Variants in PTPN22 observed in about 807,000 individuals in gnomAD.
PTPN22 encodes the protein protein tyrosine phosphatase non-receptor type 22, also known as tyrosine-protein phosphatase non-receptor type 22.
Under a neutral mutation model 103.3 loss-of-function variants are expected in PTPN22, and 85 were observed. The observed-to-expected ratio is 0.82, with a 90% CI of 0.69 to 0.99. The LOEUF (loss-of-function observed/expected upper bound fraction) is 0.99, where lower values mean the gene tolerates loss of function less well. Among genes scored for constraint, PTPN22 ranks in the 50% least tolerant of loss-of-function variants. PTPN22 has a pLI of 0.00. For missense variants in PTPN22, 865 were observed against 936.9 expected (o/e 0.92, Z 1.00); for synonymous variants, 323 against 310.2 (o/e 1.04, Z -0.43).
chr1:113,859,180 G>C lies in PTPN22; in HGVS notation c.197-102C>G. The C allele has an allele frequency of 3.2e-6, 5 of 1,561,154 alleles. No individual in the cohort carries two copies. The South Asian group carries it at 3.6e-5, about 11-fold the overall frequency. On this transcript the variant is annotated intron_variant, in intron 2 of 20. Transcript: ENST00000359785. ...ATAGTGTATGCTCATGAGTGAACAA[G>C]TGAGTGAATGAATGAATGAATGAAT...
chr1:113,857,153 G>A (rs1433637769), intron 5 of PTPN22, among the ~76,000 whole-genome samples: 1 of 151,866 alleles, frequency 6.6e-6, no homozygotes, highest in Admixed American at 6.6e-5. Context: ...CAGATATTTG[G>A]CATTTTTTAC....
intron 1 of PTPN22, among the ~76,000 whole-genome samples, chr1:113,865,850 CTTA>C (rs1338620169): frequency 6.6e-6 from 1 of 152,180 alleles, no homozygotes; most frequent in Non-Finnish European, 1.5e-5. Flanking sequence ...AGTTTATATA[CTTA>C]TTATCTTCAC....
At chr1:113,820,967 A>G (rs1661544587) in intron 19 of PTPN22, among the ~76,000 whole-genome samples, 1 of 150,822 alleles carries the variant, frequency 6.6e-6, no homozygotes. Flanking sequence ...ATATTACTAT[A>G]GTAAGTATAA....
chr1:113,822,010 A>G (rs1402883049), intron 19 of PTPN22, among the ~76,000 whole-genome samples: 1 of 152,202 alleles, frequency 6.6e-6, no homozygotes, highest in Non-Finnish European at 1.5e-5. Context: ...GAAAACCAAT[A>G]AAGAGTTATT....
intron 18 of PTPN22, 74 bp downstream of exon 18, chr1:113,829,518 T>G: frequency 1.4e-6 from 1 of 728,628 alleles, no homozygotes. Context: ...TTTTCCATCT[T>G]AATGCTGGGG....
chr1:113,836,631 A>C (rs890538713), intron 13 of PTPN22, among the ~76,000 whole-genome samples: 1 of 152,180 alleles, frequency 6.6e-6, no homozygotes, highest in Non-Finnish European at 1.5e-5. Context: ...TCTATATGTT[A>C]AGAGTAAATT....
At chr1:113,856,839 A>C in intron 5 of PTPN22, 1 of 543,682 alleles carries the variant, frequency 1.8e-6, no homozygotes, top group Non-Finnish European at 3.1e-6. Context: ...GAAAAAGTAG[A>C]AATAGAAATC....
chr1:113,852,662 A>G (rs994468188), intron 9 of PTPN22, among the ~76,000 whole-genome samples: 3 of 152,172 alleles, frequency 2.0e-5, no homozygotes, highest in African/African-American at 7.2e-5. Flanking sequence ...ATTCAATTCA[A>G]TGGGGTGGGG....
chr1:113,822,964 A>C (rs1661741847), intron 19 of PTPN22, among the ~76,000 whole-genome samples: 1 of 152,212 alleles, frequency 6.6e-6, no homozygotes, highest in African/African-American at 2.4e-5. Flanking sequence ...GTCTCAAAAA[A>C]AGCGGGGGCT....
Position 113,837,827 on chromosome 1 carries a change from C to T in PTPN22, c.1573G>A (p.Val525Ile), listed in dbSNP as rs1159274921. Residue 525 changes from valine (V) to isoleucine (I), a missense_variant, in exon 13 of 21, where the codon GTA becomes ATA. This residue lies in a region of PTPN22 where 401 missense variants were observed against 388.6 expected (regional missense o/e 1.03). Coordinates refer to ENST00000359785, the Ensembl canonical transcript of PTPN22. The stretch of plus-strand genomic sequence containing the variant: ...TCCACTAAAGGTATGTAAGAATATA[C>T]ACCAAGAGCACTAGAGTCATGGTGC... The T allele has an allele frequency of 1.2e-5, 19 of 1,613,902 alleles. No homozygotes were observed. Among genetic ancestry groups the T allele is most frequent in the Non-Finnish European group, 1.5e-5 (18 of 1,179,792 alleles).
intron 13 of PTPN22, among the ~76,000 whole-genome samples, chr1:113,836,671 T>C (rs1381259647): frequency 6.6e-6 from 1 of 152,116 alleles, no homozygotes; most frequent in African/African-American, 2.4e-5. Context: ...CTTGCACCTG[T>C]AATCCCAGCA....
chr1:113,838,129 C>A, exon 13 of PTPN22: 1 of 1,614,070 alleles, frequency 6.2e-7, no homozygotes, highest in Non-Finnish European at 8.5e-7. Context: ...ATTAGAACAT[C>A]CCTCAAACAA....
At chr1:113,857,635 A>G in intron 5 of PTPN22, 103 bp downstream of exon 5, 1 of 1,049,326 alleles carries the variant, frequency 9.5e-7, no homozygotes, top group East Asian at 2.6e-5. Flanking sequence ...AAGATGACAT[A>G]AGTTTTATCT....
intron 18 of PTPN22, among the ~76,000 whole-genome samples, chr1:113,825,449 G>A (rs1661963708): frequency 1.3e-5 from 2 of 152,116 alleles, no homozygotes; most frequent in South Asian, 4.1e-4. Flanking sequence ...TGTAATCCCG[G>A]CACTTTGAGA....
At chr1:113,854,370 A>C in intron 9 of PTPN22, 101 bp downstream of exon 9, 1 of 1,129,132 alleles carries the variant, frequency 8.9e-7, no homozygotes, top group Non-Finnish European at 1.3e-6. Context: ...TTTTCTAGAA[A>C]AGATGAATCA....
At chr1:113,843,890 T>C (rs1419140377) in intron 11 of PTPN22, among the ~76,000 whole-genome samples, 5 of 152,294 alleles carry the variant, frequency 3.3e-5, no homozygotes, top group Non-Finnish European at 7.4e-5. Flanking sequence ...CTACTCAAAT[T>C]ATCTATGTCA....
At chr1:113,830,826 CTATTA>C (rs1474320191) in intron 16 of PTPN22, among the ~76,000 whole-genome samples, 5 of 152,032 alleles carry the variant, frequency 3.3e-5, no homozygotes, top group African/African-American at 9.7e-5. Context: ...CTGAGTATTA[CTATTA>C]TATTAATTCC....
At chr1:113,856,819 C>T in intron 5 of PTPN22, 200 bp from the exon 6 acceptor site, 1 of 590,358 alleles carries the variant, frequency 1.7e-6, no homozygotes, top group South Asian at 2.6e-5. Flanking sequence ...TACAGACTTC[C>T]TGGGAGTCTG....
At chr1:113,837,685 G>A (rs1245541069) in exon 13 of PTPN22, 4 of 1,602,844 alleles carry the variant, frequency 2.5e-6, no homozygotes. Flanking sequence ...GAAGAGGGAT[G>A]TAGAGGATGT....
Sources: allele counts gnomAD v4.1 joint callset (sites outside exome capture counted in the v4.1 genomes callset), GRCh38; gene constraint gnomAD v4.1.1; regional missense constraint gnomAD v4.1.1; transcripts MANE v1.5; gene names NCBI Gene and HGNC (gene_info 2026-07-23, HGNC 2026-07-21).